LRP1B: variants seen among roughly 807,000 people sequenced by gnomAD.
LRP1B encodes the protein low-density lipoprotein receptor-related protein 1B.
LRP1B carries 217 observed loss-of-function variants against 556.6 expected under a neutral mutation model. The ratio of observed to expected loss-of-function variants is 0.39; its 90% CI spans 0.35 to 0.44. LRP1B has a LOEUF of 0.44. LRP1B is among the 20% of genes least tolerant of loss of function. The pLI, the probability that LRP1B is intolerant of heterozygous loss-of-function variation, is 1.00. For synonymous variants in LRP1B, 2,047 were observed against 1,865.8 expected, an observed-to-expected ratio of 1.10 and a Z score of -2.50; for missense variants, 5,053 against 5,620.8, an observed-to-expected ratio of 0.90 and a Z score of 3.23.
chr2:141,869,135 T>A (rs1192422698), intron 1 of LRP1B, among the ~76,000 whole-genome samples: 2 of 152,112 alleles, frequency 1.3e-5, no homozygotes, highest in African/African-American at 2.4e-5. Flanking sequence ...ATCCTAATAT[T>A]CTAGACCAGT....
intron 65 of LRP1B, among the ~76,000 whole-genome samples, chr2:140,443,654 A>C (rs1001075238): frequency 6.6e-6 from 1 of 152,252 alleles, no homozygotes; most frequent in African/African-American, 2.4e-5. Flanking sequence ...ATGTGTGAGC[A>C]TGCGTGCAAG....
chr2:141,181,398 G>A (rs1388484123), intron 7 of LRP1B, among the ~76,000 whole-genome samples: 2 of 151,896 alleles, frequency 1.3e-5, no homozygotes, highest in East Asian at 1.9e-4. Context: ...TTACCTATTT[G>A]AGTGGACAGC....
chr2:141,834,959 A>G (rs1445912900), intron 1 of LRP1B, among the ~76,000 whole-genome samples: 2 of 151,986 alleles, frequency 1.3e-5, no homozygotes, highest in Non-Finnish European at 1.5e-5. Context: ...AAGAAAAAAG[A>G]CCTTAGACTT....
At chr2:141,819,256 C>CAAAA (rs201026416) in intron 1 of LRP1B, among the ~76,000 whole-genome samples, 4 of 148,812 alleles carry the variant, frequency 2.7e-5, no homozygotes, top group African/African-American at 9.9e-5. Context: ...AACAAACAAA[C>CAAAA]AAAAAAAAAA....
At chr2:141,180,237 T>C (rs2105169688) in intron 7 of LRP1B, among the ~76,000 whole-genome samples, 1 of 151,954 alleles carries the variant, frequency 6.6e-6, no homozygotes, top group Admixed American at 6.6e-5. Flanking sequence ...TCATGTTATT[T>C]ACCCTTGATG....
At chr2:140,323,818 TA>T (rs2105058582) in intron 81 of LRP1B, 74 bp downstream of exon 81, 1 of 764,488 alleles carries the variant, frequency 1.3e-6, no homozygotes, top group Non-Finnish European at 2.0e-6. Flanking sequence ...TTAAGATATT[TA>T]AAAATATATT....
At chr2:141,252,133 T>C (rs1034291263) in intron 4 of LRP1B, among the ~76,000 whole-genome samples, 4 of 151,916 alleles carry the variant, frequency 2.6e-5, no homozygotes, top group Non-Finnish European at 4.4e-5. Context: ...CCCTTTGTTG[T>C]AGCTGGCTTA....
In LRP1B at chr2:140,606,723, A is replaced by G. The variant is rs138288739; in HGVS notation, c.6800-5084T>C. Among the ~76,000 whole-genome samples, 534 of 152,162 alleles carry G rather than the reference A, an allele frequency of 3.5e-3. 3 individuals are homozygous for G. The highest frequency in any genetic ancestry group is 0.014 in the Middle Eastern group (4 of 294). The stretch of plus-strand genomic sequence containing the variant: ...ATCTCAAATATATAGTACTCCCAAC[A>G]ATTGTATAGCCACATGTAAAAGAAT... On this transcript the variant is annotated intron_variant, in intron 41 of 90. Coordinates refer to ENST00000389484, the MANE Select transcript of LRP1B (RefSeq NM_018557.3).
At chr2:141,185,673 G>GAAAAAAAAAA (rs1365290510) in intron 7 of LRP1B, among the ~76,000 whole-genome samples, 1 of 23,762 alleles carries the variant, frequency 4.2e-5, no homozygotes, top group African/African-American at 2.7e-4. Context: ...ATGGAGAACT[G>GAAAAAAAAAA]AAAAACAAAC....
At chr2:141,159,536 GC>G (rs1263277948) in intron 7 of LRP1B, among the ~76,000 whole-genome samples, 1 of 151,990 alleles carries the variant, frequency 6.6e-6, no homozygotes. Flanking sequence ...CCAGCTCAGG[GC>G]CGTAGTTGAT....
chr2:141,921,050 T>C (rs1314164814), intron 1 of LRP1B, among the ~76,000 whole-genome samples: 2 of 152,054 alleles, frequency 1.3e-5, no homozygotes, highest in Non-Finnish European at 2.9e-5. Context: ...ACATGTAGTA[T>C]GTAACTGTAA....
chr2:140,576,482 C>T (rs547273032), intron 43 of LRP1B, among the ~76,000 whole-genome samples: 22 of 152,236 alleles, frequency 1.4e-4, no homozygotes, highest in South Asian at 4.2e-4. Context: ...TGTATGGATT[C>T]GCCAAAATTA....
chr2:140,356,325 G>A lies in LRP1B; in HGVS notation c.11530+17C>T, dbSNP rs1216823548. ...CCCAAAGATTTATGAGCAAACTGTT[G>A]AAGAAAAGTACTCTACCTTCACATT... On this transcript the variant is annotated intron_variant, in intron 75 of 90. Transcript: ENST00000389484. The A allele has an allele frequency of 6.2e-7, 1 of 1,608,530 alleles. No homozygotes were observed. Among genetic ancestry groups the A allele is most frequent in the African/African-American group, 1.3e-5 (1 of 74,618 alleles).
intron 3 of LRP1B, among the ~76,000 whole-genome samples, chr2:141,259,659 A>AT (rs1359195841): frequency 6.6e-6 from 1 of 152,198 alleles, no homozygotes; most frequent in African/African-American, 2.4e-5. Flanking sequence ...CTGGACTGTG[A>AT]TATCAGCGAA....
chr2:141,996,720 C>CA (rs1044283114), intron 1 of LRP1B, among the ~76,000 whole-genome samples: 4 of 150,068 alleles, frequency 2.7e-5, no homozygotes, highest in African/African-American at 4.9e-5. Context: ...CTTTCCCCCC[C>CA]CCTACAAACT....
intron 23 of LRP1B, among the ~76,000 whole-genome samples, chr2:140,896,660 T>G (rs1362114641): frequency 6.6e-6 from 1 of 152,048 alleles, no homozygotes; most frequent in Non-Finnish European, 1.5e-5. Context: ...TTTTAAATTA[T>G]TTGTAGGTAG....
chr2:142,085,549 C>A (rs759292505), intron 1 of LRP1B, among the ~76,000 whole-genome samples: 4 of 152,020 alleles, frequency 2.6e-5, no homozygotes, highest in African/African-American at 4.8e-5. Context: ...TGAGTATATT[C>A]CATTTTCTCT....
chr2:140,431,629 T>G (rs148054983), intron 66 of LRP1B, among the ~76,000 whole-genome samples: 1,717 of 152,326 alleles, frequency 0.011, 27 homozygotes, highest in African/African-American at 0.039. Flanking sequence ...CTGAATCTCC[T>G]TAGGCACTCT....
intron 7 of LRP1B, among the ~76,000 whole-genome samples, chr2:141,080,967 G>C (rs1342594096): frequency 6.6e-6 from 1 of 152,120 alleles, no homozygotes; most frequent in Non-Finnish European, 1.5e-5. Context: ...CAGGTAGCTA[G>C]AACCACAGGC....
Sources: allele counts gnomAD v4.1 joint callset (sites outside exome capture counted in the v4.1 genomes callset), GRCh38; gene constraint gnomAD v4.1.1; transcripts MANE v1.5; gene names NCBI Gene and HGNC (gene_info 2026-07-23, HGNC 2026-07-21).